Variants in GABBR2 observed in about 807,000 individuals in gnomAD.
The protein encoded by GABBR2 is G-protein coupled receptor 51.
GABBR2 carries 23 observed loss-of-function variants against 105.6 expected under a neutral mutation model. The observed-to-expected ratio is 0.22, with a 90% CI of 0.16 to 0.31. The LOEUF is 0.31. GABBR2 is among the 10% of genes least tolerant of loss of function. The pLI is 1.00. For synonymous variants in GABBR2, 478 were observed against 499.7 expected (o/e 0.96, Z 0.58); for missense variants, 734 against 1,245.5 (o/e 0.59, Z 6.18).
At chr9:98,466,865 G>A (rs2131621795) in intron 6 of GABBR2, among the ~76,000 whole-genome samples, 1 of 152,264 alleles carries the variant, frequency 6.6e-6, no homozygotes, top group South Asian at 2.1e-4. Context: ...AGCTATGACA[G>A]CTCCCCAGGG....
chr9:98,301,468 T>C lies in GABBR2; in HGVS notation c.2412+1773A>G, dbSNP rs183123899. Among the ~76,000 whole-genome samples the C allele has an allele frequency of 2.0e-5, 3 of 152,294 alleles. No homozygotes were observed. The East Asian group carries it at 5.8e-4, about 29-fold the overall frequency. The stretch of plus-strand genomic sequence containing the variant: ...TTTTCCAAACAGCATCCTGCTGTAG[T>C]ATAAGGGAGGAGACCTGATAAACTA... On this transcript the variant is annotated intron_variant, in intron 16 of 18. Coordinates refer to ENST00000259455, the MANE Select transcript of GABBR2 (RefSeq NM_005458.8).
At chr9:98,684,870 C>A in intron 1 of GABBR2, among the ~76,000 whole-genome samples, 1 of 152,196 alleles carries the variant, frequency 6.6e-6, no homozygotes, top group Admixed American at 6.5e-5. Flanking sequence ...TTCCTCAAGG[C>A]CAGCTGCTGC....
At chr9:98,385,904 G>A (rs749722392) in intron 10 of GABBR2, 132 bp from the exon 11 acceptor site, 32 of 681,958 alleles carry the variant, frequency 4.7e-5, no homozygotes, top group Admixed American at 7.9e-5. Flanking sequence ...ACAGAAATAC[G>A]CCATGGGGCC....
rs905635363 is a variant in GABBR2 at position 98,388,363 on chromosome 9, C to T, written c.1529+491G>A. Among the ~76,000 whole-genome samples the T allele has an allele frequency of 1.1e-4, 17 of 152,114 alleles. No individual in the cohort carries two copies. The highest frequency in any genetic ancestry group is 3.9e-4 in the Admixed American group (6 of 15,266). On this transcript the variant is annotated intron_variant, in intron 10 of 18. Coordinates refer to ENST00000259455, the MANE Select transcript of GABBR2 (RefSeq NM_005458.8). The surrounding 1 kb of genome is among the most constrained non-coding windows in gnomAD (Gnocchi z 4.4). The stretch of plus-strand genomic sequence containing the variant: ...ATGATGGAAGGGAGGGCTTCCTGGC[C>T]GTAATGAACTGTACCAATGGGAGTC...
rs146393204 is a variant in GABBR2, at chr9:98,427,451, G to A, written c.1237-21310C>T. The stretch of plus-strand genomic sequence containing the variant: ...TTCAGAGTGCACATTTATTTTTCTT[G>A]CTCAGCAACCCATCCCCCTTTGGAT... On this transcript the variant is annotated intron_variant, in intron 7 of 18. Transcript: ENST00000259455. Among the ~76,000 whole-genome samples the A allele has an allele frequency of 1.0e-3, 152 of 152,230 alleles. 1 individual carries two copies. The highest frequency in any genetic ancestry group is 3.4e-3 in the Middle Eastern group (1 of 294).
chr9:98,477,726 C>G (rs568195187), intron 5 of GABBR2, among the ~76,000 whole-genome samples: 1 of 152,170 alleles, frequency 6.6e-6, no homozygotes, highest in African/African-American at 2.4e-5. Flanking sequence ...AATTAAGTTT[C>G]CTTTTGCCTC....
chr9:98,634,375 G>C (rs556587859), intron 1 of GABBR2, among the ~76,000 whole-genome samples: 1 of 152,222 alleles, frequency 6.6e-6, no homozygotes, highest in Admixed American at 6.5e-5. Flanking sequence ...TGGAAATAGG[G>C]TCTTTGCTGA....
intron 1 of GABBR2, among the ~76,000 whole-genome samples, chr9:98,648,987 T>G (rs1830068571): frequency 6.6e-6 from 1 of 152,222 alleles, no homozygotes; most frequent in East Asian, 1.9e-4. Context: ...TGGGTCATGC[T>G]GGCTATCATT....
intron 1 of GABBR2, among the ~76,000 whole-genome samples, chr9:98,673,599 G>T (rs10116207): frequency 6.8e-6 from 1 of 148,082 alleles, no homozygotes; most frequent in South Asian, 2.2e-4. Flanking sequence ...AAAAAAAACA[G>T]GGAATAAAAA....
chr9:98,320,835 G>C (rs1395251188), intron 13 of GABBR2, among the ~76,000 whole-genome samples: 2 of 138,840 alleles, frequency 1.4e-5, no homozygotes, highest in Non-Finnish European at 3.1e-5. Flanking sequence ...TTGTGGTGTG[G>C]GGGGAGGGGG....
Position 98,657,396 on chromosome 9 carries a change from C to G in GABBR2, c.321+51021G>C, listed in dbSNP as rs1387718066. ...CTTACAGAATTAAAAACCCTCCCAG[C>G]AGGCGTTAACACACAGTGTGCCGTG... On this transcript the variant is annotated intron_variant, in intron 1 of 18. Coordinates refer to ENST00000259455, the MANE Select transcript of GABBR2 (RefSeq NM_005458.8). 3.3e-5 allele frequency among the ~76,000 whole-genome samples: 5 copies of G among 152,338 alleles called. No individual in the cohort carries two copies. In the South Asian group the frequency reaches 1.0e-3, roughly 32 times the overall value.
chr9:98,575,707 A>G (rs1828897262), intron 2 of GABBR2, among the ~76,000 whole-genome samples: 1 of 152,164 alleles, frequency 6.6e-6, no homozygotes, highest in African/African-American at 2.4e-5. Flanking sequence ...GCATGAGGCC[A>G]GGCTCCCACG....
intron 3 of GABBR2, among the ~76,000 whole-genome samples, chr9:98,522,795 G>C (rs889387446): frequency 1.3e-5 from 2 of 152,104 alleles, no homozygotes; most frequent in African/African-American, 4.8e-5. Flanking sequence ...TAAAATCATA[G>C]TTATTGTAGT....
chr9:98,628,637 C>A (rs1829777899), intron 1 of GABBR2, among the ~76,000 whole-genome samples: 1 of 152,160 alleles, frequency 6.6e-6, no homozygotes, highest in Non-Finnish European at 1.5e-5. Flanking sequence ...AAACACTTTG[C>A]TGTCTGTTGT....
chr9:98,500,727 C>A (rs1168999110), intron 3 of GABBR2, among the ~76,000 whole-genome samples: 1 of 152,182 alleles, frequency 6.6e-6, no homozygotes, highest in Non-Finnish European at 1.5e-5. Context: ...CTCCTCCCCA[C>A]CCCCGCTACA....
intron 12 of GABBR2, among the ~76,000 whole-genome samples, chr9:98,366,275 T>C (rs1023797693): frequency 3.3e-5 from 5 of 152,212 alleles, no homozygotes; most frequent in African/African-American, 1.2e-4. Context: ...AGCAAACTAC[T>C]GACTTGGCCC....
chr9:98,493,376 T>C (rs940315867), intron 4 of GABBR2, among the ~76,000 whole-genome samples: 7 of 152,264 alleles, frequency 4.6e-5, no homozygotes, highest in African/African-American at 1.7e-4. Context: ...GTGTTAGGTG[T>C]GCTCATTGCT....
At chr9:98,430,288 CAAAAAAA>C (rs55760467) in intron 7 of GABBR2, among the ~76,000 whole-genome samples, 5 of 88,974 alleles carry the variant, frequency 5.6e-5, no homozygotes, top group Admixed American at 2.3e-4. Context: ...GACTCCGTCT[CAAAAAAA>C]AAAAAAAAAA....
At chr9:98,327,381 T>C (rs903724575) in intron 13 of GABBR2, among the ~76,000 whole-genome samples, 2 of 152,080 alleles carry the variant, frequency 1.3e-5, no homozygotes, top group African/African-American at 2.4e-5. Flanking sequence ...AGCGGCTCCT[T>C]GGCCCCTCCA....
Sources: gnomAD v4.1 joint callset for allele counts (sites outside exome capture counted in the v4.1 genomes callset) on GRCh38, gnomAD v4.1.1 for gene constraint, Gnocchi (gnomAD v3.1) non-coding constraint, MANE v1.5 for transcripts, NCBI Gene and HGNC (gene_info 2026-07-23, HGNC 2026-07-21) for gene names.